Variants in PHF12 observed in about 807,000 individuals in gnomAD.
PHF12 encodes PHD factor 1.
In PHF12, 6 loss-of-function variants were observed where a neutral mutation model predicts 99.8. The observed-to-expected ratio is 0.06, with a 90% CI of 0.03 to 0.12. The LOEUF (loss-of-function observed/expected upper bound fraction) is 0.12. Ranked by LOEUF, PHF12 falls within the 10% of genes least tolerant of loss-of-function variation. PHF12 has a pLI of 1.00. For synonymous variants in PHF12, 480 were observed against 514.9 expected (o/e 0.93, Z 0.92); for missense variants, 954 against 1,300.1 (o/e 0.73, Z 4.09).
chr17:28,947,393 C>A (rs990064894), intron 2 of PHF12, among the ~76,000 whole-genome samples: 8 of 152,030 alleles, frequency 5.3e-5, no homozygotes, highest in Non-Finnish European at 1.2e-4. Flanking sequence ...GCCTGGCCAA[C>A]GTGGTGAAAC....
In PHF12 at chr17:28,949,936, C is replaced by T; in HGVS notation, c.248+129G>A. On this transcript the variant is annotated intron_variant, in intron 2 of 14. Coordinates refer to ENST00000332830, the MANE Select transcript of PHF12 (RefSeq NM_001033561.2). The surrounding 1 kb of genome is among the most constrained non-coding windows in gnomAD (Gnocchi z 4.6). ...CACCTGGGGGCGGGGAGGTGCTCGC[C>T]CCGGCAGCTGCAGAAAGTCAGCTAG... 1 of 1,124,906 alleles carries T rather than the reference C, an allele frequency of 8.9e-7. No homozygotes were observed. The highest frequency in any genetic ancestry group is 2.6e-5 in the East Asian group (1 of 38,756). 69.7% of individuals were successfully genotyped at this position (1,124,906 alleles called of 1,614,324 possible). A position where few individuals can be genotyped will look rare whatever the true frequency, so the allele number is the denominator to read the frequency against.
intron 7 of PHF12, among the ~76,000 whole-genome samples, chr17:28,915,396 T>C (rs1187567044): frequency 6.8e-6 from 1 of 147,664 alleles, no homozygotes; most frequent in Non-Finnish European, 1.5e-5. Flanking sequence ...GAAGAGCAGA[T>C]GTGGAGAGGC....
At chr17:28,941,808 T>C (rs909119559) in intron 2 of PHF12, among the ~76,000 whole-genome samples, 1 of 152,166 alleles carries the variant, frequency 6.6e-6, no homozygotes, top group East Asian at 1.9e-4. Flanking sequence ...GGTTTCACCA[T>C]GTTGGTCAGG....
rs761693763 is a variant in PHF12 at position 28,906,761 on chromosome 17, G to A, written c.2680+95C>T. On this transcript the variant is annotated intron_variant, in intron 14 of 14. Coordinates refer to ENST00000332830, the MANE Select transcript of PHF12 (RefSeq NM_001033561.2). This position sits in a 1 kb window ranked among gnomAD's most constrained non-coding sequence, Gnocchi z 4.2. The stretch of plus-strand genomic sequence containing the variant: ...CGAGGAAGTAGAGCTTGGCCAATAG[G>A]ACTGGGAAGGCAAGAGACAGACCAT... The A allele has an allele frequency of 1.1e-5, 17 of 1,486,988 alleles. No homozygotes were observed. Among genetic ancestry groups the A allele is most frequent in the Non-Finnish European group, 1.5e-5 (17 of 1,103,568 alleles). 92.1% of individuals were successfully genotyped at this position (1,486,988 alleles called of 1,614,324 possible).
chr17:28,938,609 C>G (rs1014466653), intron 2 of PHF12, among the ~76,000 whole-genome samples: 1 of 152,098 alleles, frequency 6.6e-6, no homozygotes, highest in African/African-American at 2.4e-5. Flanking sequence ...CTGACAGGGT[C>G]TATAGAAACA....
At chr17:28,942,806 ACT>A (rs2040643637) in intron 2 of PHF12, among the ~76,000 whole-genome samples, 1 of 151,952 alleles carries the variant, frequency 6.6e-6, no homozygotes, top group Non-Finnish European at 1.5e-5. Flanking sequence ...ACAGAGGGAG[ACT>A]CTGTCCCAAA....
Position 28,943,549 on chromosome 17 carries a change from G to A in PHF12, c.248+6516C>T, listed in dbSNP as rs141025191. Among the ~76,000 whole-genome samples, 639 of 152,286 alleles carry A rather than the reference G, an allele frequency of 4.2e-3. 5 individuals are homozygous for A. Among genetic ancestry groups the A allele is most frequent in the Non-Finnish European group, 6.8e-3 (462 of 68,028 alleles). On this transcript the variant is annotated intron_variant, in intron 2 of 14. Transcript: ENST00000332830. ...GGAGGCTGAGGCAGGAGAATCGCTTGAACCTGGGAGGTGGACGCTGCAGTG... is the reference window on the plus strand; with the variant it reads ...GGAGGCTGAGGCAGGAGAATCGCTTAAACCTGGGAGGTGGACGCTGCAGTG...
At chr17:28,926,909 C>T (rs2040286690) in intron 3 of PHF12, 82 bp downstream of exon 3, 2 of 1,605,774 alleles carry the variant, frequency 1.2e-6, no homozygotes, top group Non-Finnish European at 1.7e-6. Context: ...AGAATGCCTT[C>T]AGGGCTAGGC....
rs534911497 is a variant in PHF12 at position 28,930,632 on chromosome 17, C to A, written c.249-3569G>T. Among the ~76,000 whole-genome samples, 6 of 152,340 alleles carry A rather than the reference C, an allele frequency of 3.9e-5. No homozygotes were observed. The South Asian group carries it at 6.2e-4, about 16-fold the overall frequency. ...TACTTACTGAACCATCCCACCTCTA[C>A]TCATTTTAATCTTCTTTAAACAATT... is the stretch of plus-strand genomic sequence containing the variant. On this transcript the variant is annotated intron_variant, in intron 2 of 14. Transcript: ENST00000332830.
chr17:28,909,580 T>A (rs1245821768), intron 11 of PHF12: 4 of 152,976 alleles, frequency 2.6e-5, no homozygotes, highest in Non-Finnish European at 4.4e-5. Context: ...CTTTTTAAAA[T>A]TTTATTTATT....
In PHF12 at chr17:28,906,424, T is replaced by C. The variant is rs1001516882; in HGVS notation, c.2774A>G (p.Asn925Ser). The C allele has an allele frequency of 6.2e-7, 1 of 1,614,044 alleles. No individual in the cohort carries two copies. Among genetic ancestry groups the C allele is most frequent in the African/African-American group, 1.3e-5 (1 of 74,940 alleles). Reference sequence around the variant, plus strand: ...CAAGCTCGAGCTGCTGGCTTTGCAATTGCAGGGTCTCCGCTGCGGCCCCTG... The same window carrying C: ...CAAGCTCGAGCTGCTGGCTTTGCAACTGCAGGGTCTCCGCTGCGGCCCCTG... ...QAQGPQRRPC[N>S]CKASSSSLIG... The change falls in exon 15 of 15, where the codon AAT becomes AGT. Residue 925 changes from asparagine (N) to serine (S), a missense_variant. Transcript: ENST00000332830. This position sits in a 1 kb window ranked among gnomAD's most constrained non-coding sequence, Gnocchi z 4.2.
chr17:28,929,676 G>A (rs2040359580), intron 2 of PHF12: 2 of 152,162 alleles, frequency 1.3e-5, no homozygotes, highest in Admixed American at 1.3e-4. Flanking sequence ...TGCCCACCAA[G>A]GCTTCACAGC....
At chr17:28,941,702 C>T (rs2040619573) in intron 2 of PHF12, among the ~76,000 whole-genome samples, 1 of 152,056 alleles carries the variant, frequency 6.6e-6, no homozygotes, top group Non-Finnish European at 1.5e-5. Flanking sequence ...CTCCCGGGTT[C>T]AAGCGATTCT....
intron 2 of PHF12, among the ~76,000 whole-genome samples, chr17:28,941,039 CTTTTTTT>C (rs34310397): frequency 2.2e-5 from 3 of 134,320 alleles, no homozygotes; most frequent in African/African-American, 8.2e-5. Flanking sequence ...GGAAAACAGA[CTTTTTTT>C]TTTTTTTTTT....
intron 2 of PHF12, among the ~76,000 whole-genome samples, chr17:28,928,664 C>A (rs527895396): frequency 6.6e-6 from 1 of 152,222 alleles, no homozygotes; most frequent in South Asian, 2.1e-4. Context: ...CACCTGTAAT[C>A]CCAGCTACTT....
intron 2 of PHF12, among the ~76,000 whole-genome samples, chr17:28,946,641 G>C (rs2040727465): frequency 6.6e-6 from 1 of 152,198 alleles, no homozygotes; most frequent in African/African-American, 2.4e-5. Flanking sequence ...CAGAGCTTTG[G>C]ATAGAGAACC....
In PHF12 at chr17:28,907,658, C is replaced by T. The variant is rs2039892952; in HGVS notation, c.2473G>A (p.Val825Met). ...CAGTGACCATAGTTTGTAAGGCACACATCCATGTCAGCTCCTGCAAGGTGG... is the reference window on the plus strand; with the variant it reads ...CAGTGACCATAGTTTGTAAGGCACATATCCATGTCAGCTCCTGCAAGGTGG... ...LYIGTGADMD[V>M]CLTNYGHCNY... The change falls in exon 13 of 15, where the codon GTG becomes ATG. Residue 825 changes from valine (V) to methionine (M), a missense_variant. By Grantham distance (21) the Val-to-Met change is conservative. This residue lies in a region of PHF12 where 143 missense variants were observed against 191.8 expected (regional missense o/e 0.75). Coordinates refer to ENST00000332830, the MANE Select transcript of PHF12 (RefSeq NM_001033561.2). 6.2e-7 allele frequency: 1 copy of T among 1,613,752 alleles called. No individual in the cohort carries two copies. The highest frequency in any genetic ancestry group is 8.5e-7 in the Non-Finnish European group (1 of 1,179,846).
At chr17:28,942,650 A>T (rs1204237175) in intron 2 of PHF12, among the ~76,000 whole-genome samples, 3 of 151,790 alleles carry the variant, frequency 2.0e-5, no homozygotes, top group Non-Finnish European at 4.4e-5. Flanking sequence ...ACCCCGTCTC[A>T]ACAAAAAATA....
chr17:28,915,277 G>A (rs555174601), intron 7 of PHF12, among the ~76,000 whole-genome samples: 1 of 152,262 alleles, frequency 6.6e-6, no homozygotes, highest in Non-Finnish European at 1.5e-5. Context: ...CAGATTTGGT[G>A]ACAAAATCCT....
Sources: allele counts gnomAD v4.1 joint callset (sites outside exome capture counted in the v4.1 genomes callset), GRCh38; gene constraint gnomAD v4.1.1; regional missense constraint gnomAD v4.1.1; non-coding constraint Gnocchi (gnomAD v3.1); transcripts MANE v1.5; gene names NCBI Gene and HGNC (gene_info 2026-07-23, HGNC 2026-07-21).